Variants in RTN1 observed in about 807,000 individuals in gnomAD.
RTN1 encodes reticulon 1, also known as reticulon-1.
RTN1 carries 25 observed loss-of-function variants against 65.5 expected under a neutral mutation model. That is an observed-to-expected ratio of 0.38 (90% CI 0.28 to 0.53). RTN1 has a LOEUF of 0.53. Ranked by LOEUF, RTN1 falls within the 20% of genes least tolerant of loss-of-function variation. The pLI is 0.79. For synonymous variants in RTN1, 471 were observed against 447.6 expected (o/e 1.05, Z -0.66); for missense variants, 983 against 1,025.4 (o/e 0.96, Z 0.57).
chr14:59,650,193 T>C (rs1882992363), intron 3 of RTN1, among the ~76,000 whole-genome samples: 2 of 152,246 alleles, frequency 1.3e-5, no homozygotes, highest in South Asian at 2.1e-4. Flanking sequence ...AAGTAGGAGT[T>C]GAACAATGAG....
intron 3 of RTN1, among the ~76,000 whole-genome samples, chr14:59,710,049 T>C (rs561316648): frequency 3.4e-4 from 51 of 148,132 alleles, no homozygotes; most frequent in African/African-American, 8.9e-4. Flanking sequence ...TTCTTTCTTT[T>C]TTTTTTTTTT....
chr14:59,664,088 C>T (rs1330795017), intron 3 of RTN1, among the ~76,000 whole-genome samples: 1 of 152,104 alleles, frequency 6.6e-6, no homozygotes. Flanking sequence ...CAATGATACG[C>T]TGGATAAAGA....
At chr14:59,700,333 T>C (rs948980805) in intron 3 of RTN1, among the ~76,000 whole-genome samples, 2 of 152,114 alleles carry the variant, frequency 1.3e-5, no homozygotes, top group Admixed American at 1.3e-4. Flanking sequence ...GCAGTTCCTA[T>C]CAAGGTACAA....
intron 3 of RTN1, among the ~76,000 whole-genome samples, chr14:59,679,726 C>T (rs894459563): frequency 2.0e-5 from 3 of 152,182 alleles, no homozygotes; most frequent in Admixed American, 6.5e-5. Context: ...GTTATTCACA[C>T]TCAACCTATC....
intron 1 of RTN1, among the ~76,000 whole-genome samples, chr14:59,788,981 T>C (rs1349327681): frequency 6.6e-6 from 1 of 152,158 alleles, no homozygotes; most frequent in African/African-American, 2.4e-5. Context: ...AGTCTACTTT[T>C]ATGCCATTTG....
At chr14:59,738,934 G>A (rs1295977761) in intron 2 of RTN1, among the ~76,000 whole-genome samples, 3 of 152,158 alleles carry the variant, frequency 2.0e-5, no homozygotes, top group Non-Finnish European at 4.4e-5. Flanking sequence ...TCACTTATAA[G>A]TGGGAACTGA....
At chr14:59,624,741 C>T (rs572858744) in intron 3 of RTN1, among the ~76,000 whole-genome samples, 57 of 152,268 alleles carry the variant, frequency 3.7e-4, no homozygotes, top group African/African-American at 1.2e-3. Context: ...GGATTACAGG[C>T]GTGAGCCAAC....
At chr14:59,697,815 G>A (rs1278426810) in intron 3 of RTN1, among the ~76,000 whole-genome samples, 2 of 152,194 alleles carry the variant, frequency 1.3e-5, no homozygotes, top group Non-Finnish European at 2.9e-5. Flanking sequence ...GGTTGAATCA[G>A]TAGAAATTGG....
chr14:59,654,133 A>G (rs1046499143), intron 3 of RTN1, among the ~76,000 whole-genome samples: 2 of 152,326 alleles, frequency 1.3e-5, no homozygotes, highest in Middle Eastern at 3.4e-3. Context: ...TCCACAAAGA[A>G]GAGGAGGAGG....
chr14:59,629,218 C>T (rs1305013865), intron 3 of RTN1, among the ~76,000 whole-genome samples: 1 of 152,214 alleles, frequency 6.6e-6, no homozygotes, highest in Non-Finnish European at 1.5e-5. Context: ...ATTTCCAACA[C>T]TCACATAATT....
intron 1 of RTN1, among the ~76,000 whole-genome samples, chr14:59,844,630 G>A (rs545072240): frequency 6.6e-5 from 10 of 152,148 alleles, no homozygotes; most frequent in African/African-American, 2.4e-4. Flanking sequence ...GTTACAGAGT[G>A]AGTTCTAGAG....
intron 1 of RTN1, among the ~76,000 whole-genome samples, chr14:59,762,001 G>A (rs1191628142): frequency 2.0e-5 from 3 of 152,196 alleles, no homozygotes; most frequent in Non-Finnish European, 4.4e-5. Context: ...AGACAATGTG[G>A]TGTGATGTGG....
In RTN1 at chr14:59,663,913, T is replaced by A. The variant is rs367699935; in HGVS notation, c.1766-56421A>T. ...CCATTGTGGAAGATAGTGTGGCGAT[T>A]CCTCAAGGATCTAGAACCAGAAACA... On this transcript the variant is annotated intron_variant, in intron 3 of 8. Coordinates refer to ENST00000267484, the MANE Select transcript of RTN1 (RefSeq NM_021136.3). Among the ~76,000 whole-genome samples, 51 of 152,274 alleles carry A rather than the reference T, an allele frequency of 3.3e-4. No homozygotes were observed. The East Asian group carries it at 5.0e-3, about 15-fold the overall frequency.
chr14:59,734,476 C>T (rs559922036), intron 2 of RTN1, among the ~76,000 whole-genome samples: 1 of 152,022 alleles, frequency 6.6e-6, no homozygotes, highest in Non-Finnish European at 1.5e-5. Context: ...GACAAAGAGG[C>T]AAATAATCAT....
intron 8 of RTN1, among the ~76,000 whole-genome samples, chr14:59,597,544 A>T (rs527641779): frequency 2.2e-4 from 33 of 152,230 alleles, no homozygotes; most frequent in Non-Finnish European, 3.8e-4. Context: ...GTACCCTTCC[A>T]TGTACTGGAA....
intron 3 of RTN1, among the ~76,000 whole-genome samples, chr14:59,677,474 G>A (rs1883652151): frequency 1.3e-5 from 2 of 152,164 alleles, no homozygotes; most frequent in Non-Finnish European, 2.9e-5. Context: ...TTTTTAAGGA[G>A]CCATGAGGAG....
chr14:59,831,643 T>C (rs1887125931), intron 1 of RTN1, among the ~76,000 whole-genome samples: 1 of 152,146 alleles, frequency 6.6e-6, no homozygotes, highest in African/African-American at 2.4e-5. Flanking sequence ...TTCAAGAAAA[T>C]ACTTTAAGAA....
At chr14:59,626,014 T>A (rs1437239643) in intron 3 of RTN1, among the ~76,000 whole-genome samples, 1 of 152,164 alleles carries the variant, frequency 6.6e-6, no homozygotes, top group South Asian at 2.1e-4. Context: ...ATTGTTAATA[T>A]TTACATTGTA....
intron 3 of RTN1, among the ~76,000 whole-genome samples, chr14:59,714,460 C>T (rs973941695): frequency 2.6e-5 from 4 of 152,114 alleles, no homozygotes; most frequent in African/African-American, 9.7e-5. Context: ...TGTTCATTAG[C>T]AGGTAGCTTT....
Sources: gnomAD v4.1 joint callset for allele counts (sites outside exome capture counted in the v4.1 genomes callset) on GRCh38, gnomAD v4.1.1 for gene constraint, MANE v1.5 for transcripts, NCBI Gene and HGNC (gene_info 2026-07-23, HGNC 2026-07-21) for gene names.